Variants in NFE2L3 observed in about 807,000 individuals in gnomAD.
The protein encoded by NFE2L3 is NFE2 like bZIP transcription factor 3.
A neutral mutation model predicts 23.5 loss-of-function variants in NFE2L3; 18 were observed. The observed-to-expected ratio is 0.77, with a 90% CI of 0.53 to 1.13. The LOEUF (loss-of-function observed/expected upper bound fraction) is 1.13. Ranked by LOEUF, NFE2L3 falls within the 50% of genes most tolerant of loss-of-function variation. The pLI is 0.00. For synonymous variants in NFE2L3, 424 were observed against 354.5 expected (o/e 1.20, Z -2.20); for missense variants, 1,152 against 877.2 (o/e 1.31, Z -3.96).
At chr7:26,180,752 TGAG>T (rs946674054) in intron 2 of NFE2L3, among the ~76,000 whole-genome samples, 24 of 151,992 alleles carry the variant, frequency 1.6e-4, no homozygotes, top group African/African-American at 4.6e-4. Context: ...TAAATATTAA[TGAG>T]GAGACAAATG....
intron 3 of NFE2L3, chr7:26,184,038 T>G: frequency 2.0e-6 from 1 of 490,058 alleles, no homozygotes; most frequent in South Asian, 2.8e-5. Flanking sequence ...AATTATCAGG[T>G]ATTTATCCAA....
rs1262719755 is a variant in NFE2L3 at position 26,177,958 on chromosome 7, A to G, written c.586A>G (p.Arg196Gly). The G allele has an allele frequency of 1.7e-5, 28 of 1,612,492 alleles. No individual in the cohort carries two copies. Among genetic ancestry groups the G allele is most frequent in the Non-Finnish European group, 2.2e-5 (26 of 1,179,598 alleles). ...GCASEENGVL[R>G]EKHEAVDHSS... ...ACTTTTATAGGAGAATGGGGTACTA[A>G]GAGAAAAGCACGAAGCTGTGGATCA... Residue 196 changes from arginine (R) to glycine (G), a missense_variant, in exon 2 of 4, where the codon AGA becomes GGA. Transcript: ENST00000056233.
At chr7:26,177,136 C>G (rs895790716) in intron 1 of NFE2L3, among the ~76,000 whole-genome samples, 8 of 146,178 alleles carry the variant, frequency 5.5e-5, no homozygotes, top group Non-Finnish European at 1.2e-4. Context: ...GGCAGAGGCG[C>G]TCCTTACATC....
chr7:26,164,254 C>T (rs1487078908), intron 1 of NFE2L3, among the ~76,000 whole-genome samples: 1 of 152,204 alleles, frequency 6.6e-6, no homozygotes, highest in Non-Finnish European at 1.5e-5. Context: ...AATGGTTGAA[C>T]TAGTTTACAG....
chr7:26,184,486 A>C, intron 3 of NFE2L3, 47 bp from the exon 4 acceptor site: 10 of 1,528,812 alleles, frequency 6.5e-6, no homozygotes, highest in Non-Finnish European at 8.8e-6. Flanking sequence ...GAACTGCTTC[A>C]GAAATAGGGC....
intron 1 of NFE2L3, among the ~76,000 whole-genome samples, chr7:26,177,289 T>C (rs1784430100): frequency 6.6e-6 from 1 of 152,174 alleles, no homozygotes; most frequent in East Asian, 1.9e-4. Flanking sequence ...ATCATGCCAC[T>C]GCACTCCAGC....
Position 26,152,666 on chromosome 7 carries a change from C to T in NFE2L3, c.168C>T (p.Ala56=), listed in dbSNP as rs1784015047. The T allele has an allele frequency of 6.7e-7, 1 of 1,492,060 alleles. No individual in the cohort carries two copies. Among genetic ancestry groups the T allele is most frequent in the Non-Finnish European group, 8.9e-7 (1 of 1,128,440 alleles). 92.4% of individuals were successfully genotyped at this position (1,492,060 alleles called of 1,614,324 possible). The change falls in exon 1 of 4, where the codon GCC becomes GCT. Residue 56 remains alanine (A), a synonymous_variant. Coordinates refer to ENST00000056233, the MANE Select transcript of NFE2L3 (RefSeq NM_004289.7). The surrounding 1 kb of genome is among the most constrained non-coding windows in gnomAD (Gnocchi z 4.4). ...TCCTGGGCGGCCCGGCCAGCTCCGC[C>T]TACGCGCTCAGCCCCTTCTCGGCCT... The part of the protein sequence containing the change: ...LLFLGGPASS[A]YALSPFSASG...
intron 2 of NFE2L3, among the ~76,000 whole-genome samples, chr7:26,178,407 A>G (rs1177751426): frequency 6.6e-6 from 1 of 152,176 alleles, no homozygotes; most frequent in Non-Finnish European, 1.5e-5. Context: ...ATGTTTGCCA[A>G]GGCAAGTGAT....
intron 1 of NFE2L3, among the ~76,000 whole-genome samples, chr7:26,175,341 CAG>C (rs1425298297): frequency 2.0e-5 from 3 of 152,056 alleles, no homozygotes; most frequent in African/African-American, 7.2e-5. Flanking sequence ...CCCTGGGCGA[CAG>C]AGTGAGACTC....
chr7:26,159,542 C>A (rs1291704680), intron 1 of NFE2L3, among the ~76,000 whole-genome samples: 1 of 152,204 alleles, frequency 6.6e-6, no homozygotes, highest in African/African-American at 2.4e-5. Flanking sequence ...CAGTGTCTGT[C>A]TGTTGAGCAC....
chr7:26,185,685 GCT>G lies in NFE2L3; in HGVS notation c.1991_1992del (p.Leu664ProfsTer5). 3.7e-6 allele frequency: 6 copies of G among 1,613,828 alleles called. No individual in the cohort carries two copies. The highest frequency in any genetic ancestry group is 3.3e-5 in the South Asian group (3 of 91,066). ...QGRPVNPNHY[A>X]LQCTHDGSIL... is the part of the protein sequence containing the mutation. ...TAGGCCAGTCAATCCCAACCACTAT[GCT>G]CTCCAGTGTACCCATGATGGAAGTA... is the stretch of plus-strand genomic sequence containing the variant. On this transcript the variant is annotated frameshift_variant, in exon 4 of 4. Transcript: ENST00000056233. LOFTEE classifies it high-confidence loss of function.
intron 2 of NFE2L3, among the ~76,000 whole-genome samples, chr7:26,179,497 C>T: frequency 6.9e-6 from 1 of 144,606 alleles, no homozygotes; most frequent in East Asian, 2.0e-4. Context: ...GAGACCCTGT[C>T]TCAAAAAAAA....
intron 3 of NFE2L3, 45 bp downstream of exon 3, chr7:26,183,829 C>T (rs1307672827): frequency 8.0e-7 from 1 of 1,250,184 alleles, no homozygotes; most frequent in African/African-American, 1.5e-5. Flanking sequence ...CATATCTGCA[C>T]TGACCTTTTG....
chr7:26,176,807 C>CAA (rs1356742429), intron 1 of NFE2L3, among the ~76,000 whole-genome samples: 1 of 79,498 alleles, frequency 1.3e-5, no homozygotes, highest in African/African-American at 8.9e-5. Context: ...ACTTCCCAGA[C>CAA]GGGGTGGCCA....
chr7:26,184,428 A>C, intron 3 of NFE2L3, 105 bp from the exon 4 acceptor site: 1 of 997,300 alleles, frequency 1.0e-6, no homozygotes, highest in South Asian at 1.6e-5. Flanking sequence ...ATCTCTATTA[A>C]ATGTAGAGGA....
intron 1 of NFE2L3, among the ~76,000 whole-genome samples, chr7:26,158,163 C>T (rs1326214316): frequency 6.6e-6 from 1 of 152,142 alleles, no homozygotes; most frequent in Non-Finnish European, 1.5e-5. Context: ...ATTCTCCTGC[C>T]TCAGCCTCCC....
At chr7:26,171,766 C>T (rs973893729) in intron 1 of NFE2L3, among the ~76,000 whole-genome samples, 9 of 152,032 alleles carry the variant, frequency 5.9e-5, no homozygotes, top group Non-Finnish European at 1.3e-4. Context: ...AGTGATGACC[C>T]ACACCTATAA....
intron 1 of NFE2L3, among the ~76,000 whole-genome samples, chr7:26,169,835 C>T (rs2237332): frequency 0.063 from 9,535 of 152,200 alleles, 716 homozygotes; most frequent in East Asian, 0.35. Flanking sequence ...CGGTGGCTCA[C>T]GCCTGTAATC....
At position 26,185,659 on chromosome 7, in the gene NFE2L3, G is replaced by A. The variant is rs1261026022; in HGVS notation, c.1961G>A (p.Gly654Asp). The change falls in exon 4 of 4, where the codon GGT becomes GAT. Residue 654 changes from glycine to aspartate, a missense_variant. Physicochemically the swap from Gly to Asp is moderately conservative, Grantham distance 94. Transcript: ENST00000056233. ...TTTAGTAGATTAAGAGATGACCAAG[G>A]TAGGCCAGTCAATCCCAACCACTAT... ...DIFSRLRDDQ[G>D]RPVNPNHYAL... 3.1e-6 allele frequency: 5 copies of A among 1,613,738 alleles called. No homozygotes were observed. In the Admixed American group the frequency reaches 8.3e-5, roughly 27 times the overall value.
Sources: allele counts gnomAD v4.1 joint callset (sites outside exome capture counted in the v4.1 genomes callset), GRCh38; gene constraint gnomAD v4.1.1; non-coding constraint Gnocchi (gnomAD v3.1); transcripts MANE v1.5; gene names NCBI Gene and HGNC (gene_info 2026-07-23, HGNC 2026-07-21).